Variants in UQCC2 observed in about 807,000 individuals in gnomAD.
The protein encoded by UQCC2 is ubiquinol-cytochrome c reductase complex assembly factor 2.
A neutral mutation model predicts 19.9 loss-of-function variants in UQCC2; 21 were observed. That is an observed-to-expected ratio of 1.05 (90% CI 0.75 to 1.52). The LOEUF (loss-of-function observed/expected upper bound fraction) is 1.52. Among genes scored for constraint, UQCC2 ranks in the 40% most tolerant of loss-of-function variants. UQCC2 has a pLI of 0.00. For synonymous variants in UQCC2, 57 were observed against 60.9 expected, an observed-to-expected ratio of 0.94 and a Z score of 0.30; for missense variants, 135 against 157.5, an observed-to-expected ratio of 0.86 and a Z score of 0.76.
At position 33,709,793 on chromosome 6, in the gene UQCC2, G is replaced by T. The variant is rs115081430; in HGVS notation, c.138+1756C>A. ...AAAAAAAAAAACCCATGTTCCTTCT[G>T]TAACAAGTCTTGGCCAAGTTTCACA... On this transcript the variant is annotated intron_variant, in intron 1 of 3. Transcript: ENST00000607484. Among the ~76,000 whole-genome samples the T allele has an allele frequency of 2.1e-3, 322 of 151,224 alleles. 3 individuals are homozygous for T. The highest frequency in any genetic ancestry group is 7.3e-3 in the African/African-American group (301 of 41,278).
At chr6:33,703,500 C>T (rs997049907) in intron 1 of UQCC2, among the ~76,000 whole-genome samples, 11 of 152,006 alleles carry the variant, frequency 7.2e-5, no homozygotes, top group South Asian at 4.2e-4. Context: ...GAGCAGGGGA[C>T]GCTTGGGTGA....
rs759617755 is a variant in UQCC2, at chr6:33,701,387, C to T, written c.172G>A (p.Glu58Lys). The T allele has an allele frequency of 5.0e-6, 8 of 1,613,748 alleles. No individual in the cohort carries two copies. The highest frequency in any genetic ancestry group is 4.5e-5 in the East Asian group (2 of 44,860). Residue 58 changes from glutamate to lysine, a missense_variant, in exon 2 of 4, where the codon GAG becomes AAG. Glu to Lys is a moderately conservative substitution (Grantham distance 56). Transcript: ENST00000607484. ...AEPEACDQMYESLARLHSNYY... is the reference protein window; with the variant it reads ...AEPEACDQMYKSLARLHSNYY... ...TTTGAATGGAGTCGCGCTAAGCTCT[C>T]GTACATCTGATCACAGGCCTCAGGC...
In UQCC2 at chr6:33,697,769, AAAAG is replaced by A. The variant is rs1170473778; in HGVS notation, c.284-23_284-20del. On this transcript the variant is annotated intron_variant, in intron 3 of 3. Transcript: ENST00000607484. ...AAGGTGTCTGCAAAAGGGGAAGACAAAAAGAGAGAGGGACTGAAGTCTAAAACTT... is the reference window on the plus strand; with the variant it reads ...AAGGTGTCTGCAAAAGGGGAAGACAAAGAGAGGGACTGAAGTCTAAAACTT... The A allele has an allele frequency of 1.3e-6, 2 of 1,599,696 alleles. No homozygotes were observed. Among genetic ancestry groups the A allele is most frequent in the Admixed American group, 1.7e-5 (1 of 59,070 alleles).
At chr6:33,708,460 A>G (rs928472099) in intron 1 of UQCC2, among the ~76,000 whole-genome samples, 4 of 152,158 alleles carry the variant, frequency 2.6e-5, no homozygotes, top group Admixed American at 1.3e-4. Context: ...ACTCAGCTGT[A>G]CTAAGGATTA....
rs568206512 is a variant in UQCC2, at chr6:33,702,303, C to T, written c.139-883G>A. 8.6e-5 allele frequency among the ~76,000 whole-genome samples: 13 copies of T among 151,472 alleles called. No homozygotes were observed. The East Asian group carries it at 1.9e-3, about 23-fold the overall frequency. On this transcript the variant is annotated intron_variant, in intron 1 of 3. Coordinates refer to ENST00000607484, the MANE Select transcript of UQCC2 (RefSeq NM_032340.4). ...GGTTACAGGCATGAGCCACCATGCC[C>T]GGCCTCAGACCAACAGATTCTTTTA...
chr6:33,710,704 G>A lies in UQCC2; in HGVS notation c.138+845C>T, dbSNP rs539961515. 1.1e-4 allele frequency among the ~76,000 whole-genome samples: 16 copies of A among 152,240 alleles called. No homozygotes were observed. The East Asian group carries it at 3.1e-3, about 29-fold the overall frequency. On this transcript the variant is annotated intron_variant, in intron 1 of 3. Coordinates refer to ENST00000607484, the MANE Select transcript of UQCC2 (RefSeq NM_032340.4). ...TCTTACGTACACTTACCTGCTTATT[G>A]TGTCCTGAACTACAATGTAAAACTT...
chr6:33,708,276 C>T (rs1238772837), intron 1 of UQCC2, among the ~76,000 whole-genome samples: 3 of 152,192 alleles, frequency 2.0e-5, no homozygotes, highest in African/African-American at 7.2e-5. Context: ...CTAACAATAA[C>T]TTGGAACAGC....
chr6:33,706,205 C>T (rs959859501), intron 1 of UQCC2, among the ~76,000 whole-genome samples: 1 of 152,066 alleles, frequency 6.6e-6, no homozygotes, highest in Non-Finnish European at 1.5e-5. Context: ...AATTGCTTTG[C>T]TAATTAAGGT....
intron 1 of UQCC2, among the ~76,000 whole-genome samples, chr6:33,706,333 G>A (rs142207382): frequency 1.3e-5 from 2 of 152,328 alleles, no homozygotes; most frequent in Admixed American, 6.5e-5. Context: ...AGTTGAAAAT[G>A]TATTTCTTGA....
chr6:33,711,620 G>C lies in UQCC2; in HGVS notation c.67C>G (p.Arg23Gly). The change falls in exon 1 of 4, where the codon CGG becomes GGG. Residue 23 changes from arginine to glycine, a missense_variant. Transcript: ENST00000607484. ...AGGTAAGCGCCCAAGTCCCGGCCCC[G>C]TTTGGTCTCGTCCACTGGCCATTCC... ...CEEWPVDETK[R>G]GRDLGAYLRQ... 3 of 1,613,860 alleles carry C rather than the reference G, an allele frequency of 1.9e-6. No individual in the cohort carries two copies. Among genetic ancestry groups the C allele is most frequent in the Non-Finnish European group, 2.5e-6 (3 of 1,179,884 alleles).
Position 33,697,640 on chromosome 6 carries a change from G to T in UQCC2, c.*13C>A. The T allele has an allele frequency of 6.3e-7, 1 of 1,595,732 alleles. No homozygotes were observed. The highest frequency in any genetic ancestry group is 8.6e-7 in the Non-Finnish European group (1 of 1,168,356). On this transcript the variant is annotated 3_prime_UTR_variant, in exon 4 of 4. Transcript: ENST00000607484. ...CTCCACACCTAGGTATGTGCACGAG[G>T]TAAGGCCTGAGCTCAGGCCTTATGA...
At chr6:33,701,069 C>CA (rs1464967821) in intron 2 of UQCC2, among the ~76,000 whole-genome samples, 3 of 152,302 alleles carry the variant, frequency 2.0e-5, no homozygotes, top group African/African-American at 7.2e-5. Context: ...CAATGGCTGT[C>CA]AGACATTCCC....
At chr6:33,701,943 G>A (rs1765645273) in intron 1 of UQCC2, among the ~76,000 whole-genome samples, 2 of 151,916 alleles carry the variant, frequency 1.3e-5, no homozygotes, top group Non-Finnish European at 2.9e-5. Flanking sequence ...TCCTGGGGGA[G>A]GAGATGCCGT....
At chr6:33,703,333 T>C (rs940265147) in intron 1 of UQCC2, among the ~76,000 whole-genome samples, 1 of 152,136 alleles carries the variant, frequency 6.6e-6, no homozygotes, top group Non-Finnish European at 1.5e-5. Context: ...CCAGCTAATT[T>C]TGTGTATTTT....
At position 33,697,644 on chromosome 6, in the gene UQCC2, G is replaced by A. The variant is rs200233818; in HGVS notation, c.*9C>T. On this transcript the variant is annotated 3_prime_UTR_variant, in exon 4 of 4. Coordinates refer to ENST00000607484, the MANE Select transcript of UQCC2 (RefSeq NM_032340.4). ...ACACCTAGGTATGTGCACGAGGTAA[G>A]GCCTGAGCTCAGGCCTTATGATCCT... The A allele has an allele frequency of 6.2e-7, 1 of 1,607,196 alleles. No homozygotes were observed. Among genetic ancestry groups the A allele is most frequent in the East Asian group, 2.2e-5 (1 of 44,844 alleles).
At chr6:33,709,783 T>A (rs965581282) in intron 1 of UQCC2, among the ~76,000 whole-genome samples, 1 of 151,684 alleles carries the variant, frequency 6.6e-6, no homozygotes, top group African/African-American at 2.4e-5. Flanking sequence ...AAAAAACCCA[T>A]GTTCCTTCTG....
rs1306580481 is a variant in UQCC2, at chr6:33,700,462, T to C, written c.265A>G (p.Lys89Glu). 2 of 1,614,166 alleles carry C rather than the reference T, an allele frequency of 1.2e-6. No individual in the cohort carries two copies. Among genetic ancestry groups the C allele is most frequent in the South Asian group, 2.2e-5 (2 of 91,088 alleles). The stretch of plus-strand genomic sequence containing the variant: ...TCATTACCTGTGGACAGGATCAGCT[T>C]GTACTCTTCCAACGACAGGCCACTG... ...SFSGLSLEEY[K>E]LILSTDTLEE... Residue 89 changes from lysine to glutamate, a missense_variant, in exon 3 of 4, where the codon AAG (lysine) becomes GAG (glutamate). By Grantham distance (56) the Lys-to-Glu change is moderately conservative. Transcript: ENST00000607484.
At chr6:33,705,845 A>G (rs1341932689) in intron 1 of UQCC2, among the ~76,000 whole-genome samples, 1 of 152,176 alleles carries the variant, frequency 6.6e-6, no homozygotes, top group Non-Finnish European at 1.5e-5. Flanking sequence ...TTCACACCTA[A>G]TGAGATCACA....
Position 33,700,429 on chromosome 6 carries a change from C to T in UQCC2, c.283+15G>A, listed in dbSNP as rs1765625249. ...TTTGCAAACCAATGAGAAAAGGCAGCTGTGCTTTCATTACCTGTGGACAGG... is the reference window on the plus strand; with the variant it reads ...TTTGCAAACCAATGAGAAAAGGCAGTTGTGCTTTCATTACCTGTGGACAGG... On this transcript the variant is annotated intron_variant, in intron 3 of 3. Coordinates refer to ENST00000607484, the MANE Select transcript of UQCC2 (RefSeq NM_032340.4). 1 of 1,613,484 alleles carries T rather than the reference C, an allele frequency of 6.2e-7. No individual in the cohort carries two copies. The highest frequency in any genetic ancestry group is 1.3e-5 in the African/African-American group (1 of 74,924).
Sources: gnomAD v4.1 joint callset for allele counts (sites outside exome capture counted in the v4.1 genomes callset) on GRCh38, gnomAD v4.1.1 for gene constraint, MANE v1.5 for transcripts, NCBI Gene and HGNC (gene_info 2026-07-23, HGNC 2026-07-21) for gene names.